The following SEMA6D variants were observed in gnomAD, a reference collection of about 807,000 sequenced individuals.
SEMA6D encodes the protein semaphorin-6D.
Under a neutral mutation model 106.6 loss-of-function variants are expected in SEMA6D, and 35 were observed. That is an observed-to-expected ratio of 0.33 (90% CI 0.25 to 0.44). The LOEUF (loss-of-function observed/expected upper bound fraction) is 0.44. Ranked by LOEUF, SEMA6D falls within the 20% of genes least tolerant of loss-of-function variation. The probability of loss-of-function intolerance (pLI) is 1.00; values close to 1 mark genes in which losing one functional copy is unlikely to be tolerated. For synonymous variants in SEMA6D, 499 were observed against 487.7 expected, an observed-to-expected ratio of 1.02 and a Z score of -0.31; for missense variants, 1,185 against 1,345.9, an observed-to-expected ratio of 0.88 and a Z score of 1.87.
chr15:47,473,417 G>A lies in SEMA6D; in HGVS notation c.-87+2872G>A, dbSNP rs139404546. ...AGTTCCTGAGCCAAGAGACACCAAG[G>A]CCAACTTTGGAAGTCATCTACATCA... On this transcript the variant is annotated intron_variant, in intron 3 of 19. Coordinates refer to the SEMA6D transcript ENST00000558014. 1.8e-3 allele frequency among the ~76,000 whole-genome samples: 276 copies of A among 152,216 alleles called. 1 individual carries two copies. Among genetic ancestry groups the A allele is most frequent in the African/African-American group, 6.5e-3 (268 of 41,528 alleles).
intron 2 of SEMA6D, among the ~76,000 whole-genome samples, chr15:47,469,925 A>T (rs1041486660): frequency 6.6e-6 from 1 of 152,178 alleles, no homozygotes; most frequent in Non-Finnish European, 1.5e-5. Flanking sequence ...GCACATGATT[A>T]TAAACTCCAC....
At chr15:47,693,843 G>A (rs1307097784) in intron 4 of SEMA6D, among the ~76,000 whole-genome samples, 1 of 152,076 alleles carries the variant, frequency 6.6e-6, no homozygotes, top group Non-Finnish European at 1.5e-5. Context: ...GGGAGGCTGA[G>A]TTAGGAGGAT....
At chr15:47,543,692 C>T (rs2045428373) in intron 3 of SEMA6D, among the ~76,000 whole-genome samples, 1 of 151,852 alleles carries the variant, frequency 6.6e-6, no homozygotes, top group Non-Finnish European at 1.5e-5. Flanking sequence ...TTTTTTTTCA[C>T]TGAAGGGTTT....
chr15:47,521,198 A>G (rs1163610520), intron 3 of SEMA6D, among the ~76,000 whole-genome samples: 1 of 152,158 alleles, frequency 6.6e-6, no homozygotes, highest in Non-Finnish European at 1.5e-5. Context: ...CACAGGTTGC[A>G]GTGCTCTCTG....
intron 3 of SEMA6D, among the ~76,000 whole-genome samples, chr15:47,551,080 A>G (rs2045672305): frequency 6.6e-6 from 1 of 152,180 alleles, no homozygotes. Context: ...TTTGCACCTG[A>G]CACCTCCAGT....
chr15:47,214,840 TC>T (rs1420309299), intron 1 of SEMA6D, among the ~76,000 whole-genome samples: 2 of 152,130 alleles, frequency 1.3e-5, no homozygotes, highest in East Asian at 3.9e-4. Flanking sequence ...CTGAGTTTAT[TC>T]TAGAAAATGG....
intron 4 of SEMA6D, among the ~76,000 whole-genome samples, chr15:47,692,570 G>A (rs79561654): frequency 2.6e-5 from 4 of 152,264 alleles, no homozygotes; most frequent in East Asian, 1.9e-4. Flanking sequence ...ATATTGTCAC[G>A]TTACATTAAA....
intron 1 of SEMA6D, among the ~76,000 whole-genome samples, chr15:47,411,468 G>T (rs1370064543): frequency 1.3e-5 from 2 of 152,038 alleles, no homozygotes; most frequent in Non-Finnish European, 2.9e-5. Flanking sequence ...AATATCAAGT[G>T]TGTTATTCCA....
chr15:47,743,812 C>G (rs150580416), intron 1 of SEMA6D, among the ~76,000 whole-genome samples: 77 of 152,290 alleles, frequency 5.1e-4, no homozygotes, highest in Middle Eastern at 6.8e-3. Flanking sequence ...GAAGTGGCAT[C>G]CAAATGCTGT....
intron 2 of SEMA6D, among the ~76,000 whole-genome samples, chr15:47,453,587 A>G (rs1187233260): frequency 6.6e-6 from 1 of 151,944 alleles, no homozygotes; most frequent in Non-Finnish European, 1.5e-5. Context: ...GAAGAGTCCA[A>G]ATTTATGTAG....
At chr15:47,343,248 T>TTTA (rs10637657) in intron 1 of SEMA6D, among the ~76,000 whole-genome samples, 1,883 of 146,138 alleles carry the variant, frequency 0.013, 16 homozygotes, top group Non-Finnish European at 0.015. Context: ...TAGTTGGATT[T>TTTA]TTATTATTAT....
At chr15:47,691,365 T>G (rs187793618) in intron 4 of SEMA6D, among the ~76,000 whole-genome samples, 1 of 152,114 alleles carries the variant, frequency 6.6e-6, no homozygotes, top group South Asian at 2.1e-4. Context: ...CTACATTTAC[T>G]AGAGGTGGTA....
chr15:47,728,823 C>T (rs1469925524), intron 1 of SEMA6D, among the ~76,000 whole-genome samples: 1 of 152,182 alleles, frequency 6.6e-6, no homozygotes, highest in Non-Finnish European at 1.5e-5. Context: ...AGACTTCTTC[C>T]ATAGTCACTT....
chr15:47,292,719 A>G lies in SEMA6D; in HGVS notation c.-239+108301A>G, dbSNP rs553340534. 9.2e-5 allele frequency among the ~76,000 whole-genome samples: 14 copies of G among 152,296 alleles called. No individual in the cohort carries two copies. The East Asian group carries it at 1.7e-3, about 19-fold the overall frequency. ...CCCTTTGAGTAGCAAATCACAGCGT[A>G]TATTGTGTAGTCCATGAAGACTGGT... On this transcript the variant is annotated intron_variant, in intron 1 of 19. Transcript: ENST00000558014.
At chr15:47,687,192 T>C (rs1340646030) in intron 4 of SEMA6D, among the ~76,000 whole-genome samples, 1 of 152,138 alleles carries the variant, frequency 6.6e-6, no homozygotes, top group East Asian at 1.9e-4. Context: ...GCTCCTGGAC[T>C]TTCTTCTTGC....
intron 3 of SEMA6D, among the ~76,000 whole-genome samples, chr15:47,568,465 T>C (rs960996824): frequency 6.6e-6 from 1 of 152,208 alleles, no homozygotes; most frequent in African/African-American, 2.4e-5. Flanking sequence ...ATATATCATT[T>C]TTAAATAAAA....
At chr15:47,661,322 T>C (rs1263812357) in intron 4 of SEMA6D, among the ~76,000 whole-genome samples, 3 of 152,214 alleles carry the variant, frequency 2.0e-5, no homozygotes, top group Non-Finnish European at 4.4e-5. Context: ...AAATAAAAGT[T>C]GGTGATGATG....
At chr15:47,631,290 T>C (rs1243220481) in intron 4 of SEMA6D, among the ~76,000 whole-genome samples, 1 of 151,912 alleles carries the variant, frequency 6.6e-6, no homozygotes, top group Non-Finnish European at 1.5e-5. Flanking sequence ...ATTTAGGTTG[T>C]CTGTGTTATT....
At chr15:47,391,447 CA>C (rs1348584387) in intron 1 of SEMA6D, among the ~76,000 whole-genome samples, 9 of 152,120 alleles carry the variant, frequency 5.9e-5, no homozygotes, top group Non-Finnish European at 1.3e-4. Context: ...ATCCATCAGA[CA>C]ATGGTTCCTA....
Sources: gnomAD v4.1 joint callset for allele counts (sites outside exome capture counted in the v4.1 genomes callset) on GRCh38, gnomAD v4.1.1 for gene constraint, MANE v1.5 for transcripts, NCBI Gene and HGNC (gene_info 2026-07-23, HGNC 2026-07-21) for gene names.